The following CTNNA3 variants were observed in gnomAD, a reference collection of about 807,000 sequenced individuals.
CTNNA3 encodes catenin alpha-3.
Under a neutral mutation model 95.7 loss-of-function variants are expected in CTNNA3, and 76 were observed. That is an observed-to-expected ratio of 0.79 (90% CI 0.66 to 0.96). The LOEUF (loss-of-function observed/expected upper bound fraction) is 0.96. CTNNA3 is among the 40% of genes least tolerant of loss of function. The probability of loss-of-function intolerance (pLI) is 0.00; values close to 1 mark genes in which losing one functional copy is unlikely to be tolerated. For missense variants in CTNNA3, 1,191 were observed against 1,089.8 expected, an observed-to-expected ratio of 1.09 and a Z score of -1.31; for synonymous variants, 431 against 374.4, an observed-to-expected ratio of 1.15 and a Z score of -1.74.
intron 7 of CTNNA3, among the ~76,000 whole-genome samples, chr10:67,075,966 T>C (rs547650146): frequency 6.6e-6 from 1 of 152,212 alleles, no homozygotes; most frequent in Non-Finnish European, 1.5e-5. Flanking sequence ...TTTTTCTCCA[T>C]TTTTATATAA....
intron 7 of CTNNA3, among the ~76,000 whole-genome samples, chr10:67,127,220 G>T (rs1021497551): frequency 2.0e-5 from 3 of 151,722 alleles, no homozygotes; most frequent in Non-Finnish European, 4.4e-5. Context: ...GTTCTATTTG[G>T]TTACTCTTTC....
chr10:67,434,731 A>C (rs944986424), intron 5 of CTNNA3, among the ~76,000 whole-genome samples: 1 of 151,986 alleles, frequency 6.6e-6, no homozygotes, highest in African/African-American at 2.4e-5. Context: ...GAAACCTATA[A>C]GGAATCCTAA....
chr10:67,536,801 G>T (rs1206868676), intron 4 of CTNNA3, among the ~76,000 whole-genome samples: 2 of 152,016 alleles, frequency 1.3e-5, no homozygotes, highest in African/African-American at 4.8e-5. Flanking sequence ...ATTACAAAAA[G>T]AAACAACTTT....
In CTNNA3 at chr10:66,813,845, A is replaced by AGT. The variant is rs66464661; in HGVS notation, c.1048-38323_1048-38322dup. ...TGGGGGAAGGGCGTGTGTGTGTGTG[A>AGT]GTGTGTGTGTGTGTGTGTGTGTGTG... On this transcript the variant is annotated intron_variant, in intron 7 of 17. Transcript: ENST00000433211. Among the ~76,000 whole-genome samples, 157 of 149,732 alleles carry AGT rather than the reference A, an allele frequency of 1.0e-3. 2 individuals carry two copies. The highest frequency in any genetic ancestry group is 1.8e-3 in the Non-Finnish European group (119 of 67,332).
intron 7 of CTNNA3, among the ~76,000 whole-genome samples, chr10:67,121,058 T>G (rs372502003): frequency 4.7e-4 from 72 of 152,190 alleles, no homozygotes; most frequent in African/African-American, 1.6e-3. Context: ...CTGAGCAAGA[T>G]TCCAAAACCT....
At chr10:67,475,041 T>C (rs996463178) in intron 5 of CTNNA3, among the ~76,000 whole-genome samples, 6 of 152,160 alleles carry the variant, frequency 3.9e-5, no homozygotes, top group African/African-American at 1.2e-4. Context: ...CTTCAGCTAA[T>C]GAATAGAAAA....
chr10:67,096,942 A>G (rs897866221), intron 7 of CTNNA3, among the ~76,000 whole-genome samples: 2 of 151,916 alleles, frequency 1.3e-5, no homozygotes, highest in African/African-American at 4.8e-5. Context: ...TTCATGATAA[A>G]ATAAATATTA....
chr10:67,636,866 G>A (rs1221312300), intron 2 of CTNNA3, among the ~76,000 whole-genome samples: 3 of 152,192 alleles, frequency 2.0e-5, no homozygotes, highest in South Asian at 2.1e-4. Flanking sequence ...CCATCTGTAC[G>A]TCACCATCAT....
Position 66,018,168 on chromosome 10 carries a change from T to A in CTNNA3, c.2160-29371A>T, listed in dbSNP as rs575377848. The stretch of plus-strand genomic sequence containing the variant: ...AGGCGCAAGTGCATATCTAGTTCTA[T>A]ATGAGGATACAGCTCAAATACACAC... On this transcript the variant is annotated intron_variant, in intron 15 of 17. Coordinates refer to ENST00000433211, the MANE Select transcript of CTNNA3 (RefSeq NM_013266.4). Among the ~76,000 whole-genome samples, 29 of 131,882 alleles carry A rather than the reference T, an allele frequency of 2.2e-4. 1 individual carries two copies. The highest frequency in any genetic ancestry group is 8.1e-3 in the Middle Eastern group (2 of 248). The allele number at this position is 131,882 out of a possible 152,430, so 86.5% of individuals were successfully genotyped here. A position where few individuals can be genotyped will look rare whatever the true frequency, so the allele number is the denominator to read the frequency against.
intron 12 of CTNNA3, among the ~76,000 whole-genome samples, chr10:66,367,965 T>C (rs1250166788): frequency 6.7e-6 from 1 of 149,690 alleles, no homozygotes; most frequent in African/African-American, 2.4e-5. Flanking sequence ...CTAATGTGGA[T>C]CCATTGCTTT....
intron 10 of CTNNA3, among the ~76,000 whole-genome samples, chr10:66,618,833 G>C (rs1589505865): frequency 6.6e-6 from 1 of 151,944 alleles, no homozygotes; most frequent in Non-Finnish European, 1.5e-5. Context: ...CTAATATCCA[G>C]AATCTACAAT....
In CTNNA3 at chr10:66,138,452, T is replaced by C. The variant is rs537502471; in HGVS notation, c.1885-35203A>G. Among the ~76,000 whole-genome samples, 66 of 152,326 alleles carry C rather than the reference T, an allele frequency of 4.3e-4. No homozygotes were observed. In the Middle Eastern group the frequency reaches 0.01, roughly 24 times the overall value. On this transcript the variant is annotated intron_variant, in intron 13 of 17. Coordinates refer to ENST00000433211, the MANE Select transcript of CTNNA3 (RefSeq NM_013266.4). ...TGTTTCTATATGGCCTTGTATTTTG[T>C]TGAGGCAAAGAAAACAATAGTAGGC...
At chr10:66,008,167 C>A (rs1488786177) in intron 15 of CTNNA3, among the ~76,000 whole-genome samples, 1 of 152,084 alleles carries the variant, frequency 6.6e-6, no homozygotes, top group Non-Finnish European at 1.5e-5. Flanking sequence ...ACATGAGATA[C>A]TGGGTCTCAA....
chr10:66,847,973 C>T (rs1485840620), intron 7 of CTNNA3, among the ~76,000 whole-genome samples: 1 of 151,800 alleles, frequency 6.6e-6, no homozygotes, highest in African/African-American at 2.4e-5. Context: ...GAGAGAAAAC[C>T]CAGGTAAGGA....
chr10:66,614,183 C>CTTCA (rs1348562085), intron 10 of CTNNA3, among the ~76,000 whole-genome samples: 2 of 152,016 alleles, frequency 1.3e-5, no homozygotes, highest in East Asian at 3.9e-4. Context: ...ATGACTTGTA[C>CTTCA]TTCAACAGAC....
At chr10:67,697,840 C>T (rs1052113558), upstream of CTNNA3, among the ~76,000 whole-genome samples, 1 of 152,140 alleles carries the variant, frequency 6.6e-6, no homozygotes, top group African/African-American at 2.4e-5. Flanking sequence ...GAGGTCCCCT[C>T]CTAGCAATTC....
chr10:67,180,594 T>G (rs1419281354), intron 6 of CTNNA3, 74 bp from the exon 7 acceptor site: 1 of 1,278,834 alleles, frequency 7.8e-7, no homozygotes, highest in Non-Finnish European at 1.1e-6. Context: ...TGTTATTTTG[T>G]TTTTGCATTT....
intron 12 of CTNNA3, among the ~76,000 whole-genome samples, chr10:66,372,576 A>G (rs2092762036): frequency 6.6e-6 from 1 of 152,152 alleles, no homozygotes; most frequent in East Asian, 1.9e-4. Context: ...CAAAAATCTC[A>G]AAGTTACTGT....
At chr10:66,598,578 A>T (rs927682023) in intron 10 of CTNNA3, among the ~76,000 whole-genome samples, 1 of 152,004 alleles carries the variant, frequency 6.6e-6, no homozygotes, top group Non-Finnish European at 1.5e-5. Context: ...GATTCAGAAC[A>T]TATGAAGAAT....
Sources: allele counts gnomAD v4.1 joint callset (sites outside exome capture counted in the v4.1 genomes callset), GRCh38; gene constraint gnomAD v4.1.1; transcripts MANE v1.5; gene names NCBI Gene and HGNC (gene_info 2026-07-23, HGNC 2026-07-21).